The following CTNNA3 variants were observed in gnomAD, a reference collection of about 807,000 sequenced individuals.
The protein encoded by CTNNA3 is catenin alpha-3.
In CTNNA3, 76 loss-of-function variants were observed where a neutral mutation model predicts 95.7. The ratio of observed to expected loss-of-function variants is 0.79; its 90% CI spans 0.66 to 0.96. The LOEUF (loss-of-function observed/expected upper bound fraction) is 0.96, where lower values mean the gene tolerates loss of function less well. Among genes scored for constraint, CTNNA3 ranks in the 40% least tolerant of loss-of-function variants. CTNNA3 has a pLI of 0.00. For missense variants in CTNNA3, 1,191 were observed against 1,089.8 expected, an observed-to-expected ratio of 1.09 and a Z score of -1.31; for synonymous variants, 431 against 374.4, an observed-to-expected ratio of 1.15 and a Z score of -1.74.
At chr10:67,248,615 C>T (rs868150713) in intron 5 of CTNNA3, among the ~76,000 whole-genome samples, 8 of 151,890 alleles carry the variant, frequency 5.3e-5, no homozygotes, top group African/African-American at 1.9e-4. Flanking sequence ...GGTAGAGAGA[C>T]GGGGTTTCAC....
chr10:66,773,497 G>A (rs926362054), intron 8 of CTNNA3, among the ~76,000 whole-genome samples: 1 of 152,144 alleles, frequency 6.6e-6, no homozygotes, highest in East Asian at 1.9e-4. Context: ...TCGAGAGAGG[G>A]AACAGGAAGA....
chr10:66,347,764 C>G (rs79079069), intron 12 of CTNNA3, among the ~76,000 whole-genome samples: 1 of 152,114 alleles, frequency 6.6e-6, no homozygotes, highest in African/African-American at 2.4e-5. Context: ...CAGAAATTAT[C>G]TGGATTACAG....
intron 7 of CTNNA3, among the ~76,000 whole-genome samples, chr10:67,133,350 GATAC>G (rs1282541599): frequency 5.1e-5 from 3 of 58,886 alleles, no homozygotes; most frequent in South Asian, 5.7e-4. Flanking sequence ...CACAATGGTA[GATAC>G]ATACATACAT....
At chr10:67,709,663 C>T (rs1182755002) in intron 1 of CTNNA3, among the ~76,000 whole-genome samples, 2 of 151,912 alleles carry the variant, frequency 1.3e-5, no homozygotes, top group Non-Finnish European at 2.9e-5. Context: ...CATCCACCAC[C>T]ATTCCCCAGG....
intron 9 of CTNNA3, among the ~76,000 whole-genome samples, chr10:66,690,619 A>G (rs1847488656): frequency 6.6e-6 from 1 of 151,670 alleles, no homozygotes; most frequent in Non-Finnish European, 1.5e-5. Context: ...AATGATTCCC[A>G]ATTTCATCCA....
At chr10:66,150,617 A>C (rs1180943673) in intron 13 of CTNNA3, among the ~76,000 whole-genome samples, 4 of 151,958 alleles carry the variant, frequency 2.6e-5, no homozygotes, top group African/African-American at 9.7e-5. Flanking sequence ...CATTATCTCA[A>C]GCATTTATCA....
At chr10:67,370,646 A>AT (rs1472267466) in intron 5 of CTNNA3, among the ~76,000 whole-genome samples, 40 of 152,216 alleles carry the variant, frequency 2.6e-4, no homozygotes, top group African/African-American at 9.1e-4. Flanking sequence ...GTTTAGTAAG[A>AT]TTTTCTACTT....
At chr10:66,938,270 G>A (rs952458900) in intron 7 of CTNNA3, among the ~76,000 whole-genome samples, 1 of 151,956 alleles carries the variant, frequency 6.6e-6, no homozygotes, top group Non-Finnish European at 1.5e-5. Context: ...AACAATGTGA[G>A]GGTCAAGAGA....
chr10:65,982,543 A>G (rs2133306470), intron 16 of CTNNA3, among the ~76,000 whole-genome samples: 1 of 37,690 alleles, frequency 2.7e-5, no homozygotes, highest in African/African-American at 1.5e-4. Flanking sequence ...CGAAAAAGAT[A>G]CTTGCACACA....
intron 10 of CTNNA3, 137 bp from the exon 11 acceptor site, chr10:66,520,910 T>C (rs571719930): frequency 8.7e-6 from 3 of 345,690 alleles, no homozygotes; most frequent in African/African-American, 2.1e-5. Flanking sequence ...TTCCTAAATA[T>C]ATAAAATAAA....
chr10:66,006,221 G>A (rs1431546053), intron 15 of CTNNA3, among the ~76,000 whole-genome samples: 1 of 151,830 alleles, frequency 6.6e-6, no homozygotes, highest in Non-Finnish European at 1.5e-5. Flanking sequence ...CACAGTGTTA[G>A]CCAGGATAGT....
chr10:67,502,894 C>G (rs761948051), intron 5 of CTNNA3, among the ~76,000 whole-genome samples: 10 of 152,196 alleles, frequency 6.6e-5, no homozygotes, highest in Non-Finnish European at 1.2e-4. Context: ...TGGATCTTAG[C>G]TTGTTGGGCT....
intron 11 of CTNNA3, among the ~76,000 whole-genome samples, chr10:66,464,903 A>G (rs1167621921): frequency 6.6e-6 from 1 of 152,158 alleles, no homozygotes; most frequent in Non-Finnish European, 1.5e-5. Context: ...ATAAGATCTC[A>G]ACTTTTAAAC....
At chr10:66,449,722 C>T (rs1330644619) in intron 11 of CTNNA3, among the ~76,000 whole-genome samples, 1 of 151,978 alleles carries the variant, frequency 6.6e-6, no homozygotes, top group Non-Finnish European at 1.5e-5. Context: ...CTTAGAAAAA[C>T]CATTTAATGA....
chr10:67,691,557 T>A (rs1464063518), intron 1 of CTNNA3, among the ~76,000 whole-genome samples: 3 of 140,890 alleles, frequency 2.1e-5, no homozygotes, highest in East Asian at 4.4e-4. Flanking sequence ...CCGTCCGGGA[T>A]GTGAGGAGCG....
intron 9 of CTNNA3, among the ~76,000 whole-genome samples, chr10:66,724,816 A>G (rs985386256): frequency 3.9e-5 from 6 of 152,300 alleles, no homozygotes; most frequent in Middle Eastern, 3.4e-3. Flanking sequence ...TAAATTAGAA[A>G]GTTAAACCTG....
At chr10:65,992,870 A>G (rs1475168821) in intron 15 of CTNNA3, among the ~76,000 whole-genome samples, 1 of 152,028 alleles carries the variant, frequency 6.6e-6, no homozygotes, top group Non-Finnish European at 1.5e-5. Flanking sequence ...TATAGTAGGA[A>G]TTTATTGCTA....
chr10:67,663,796 C>T (rs995396118), intron 1 of CTNNA3, among the ~76,000 whole-genome samples: 1 of 152,158 alleles, frequency 6.6e-6, no homozygotes, highest in Non-Finnish European at 1.5e-5. Flanking sequence ...AACTACTACC[C>T]TCTTGTCTTT....
rs2085759557 is a variant in CTNNA3 at position 66,177,209 on chromosome 10, G to A, written c.1885-73960C>T. ...CTGACCTCTTTATTTTCACTGAAAT[G>A]CAAATATACATTTAAAAATCTGTTT... On this transcript the variant is annotated intron_variant, in intron 13 of 17. Transcript: ENST00000433211. 2.0e-5 allele frequency among the ~76,000 whole-genome samples: 3 copies of A among 152,034 alleles called. No individual in the cohort carries two copies. In the South Asian group the frequency reaches 6.2e-4, roughly 32 times the overall value.
Sources: allele counts gnomAD v4.1 joint callset (sites outside exome capture counted in the v4.1 genomes callset), GRCh38; gene constraint gnomAD v4.1.1; transcripts MANE v1.5; gene names NCBI Gene and HGNC (gene_info 2026-07-23, HGNC 2026-07-21).